Variants in VKORC1L1 observed in about 807,000 individuals in gnomAD.
VKORC1L1 encodes the protein vitamin K epoxide reductase complex subunit 1-like protein 1.
A neutral mutation model predicts 18.9 loss-of-function variants in VKORC1L1; 2 were observed. That is an observed-to-expected ratio of 0.11 (90% CI 0.04 to 0.33). The LOEUF (loss-of-function observed/expected upper bound fraction) is 0.33, where lower values mean the gene tolerates loss of function less well. VKORC1L1 is among the 10% of genes least tolerant of loss of function. The probability of loss-of-function intolerance (pLI) is 1.00; values close to 1 mark genes in which losing one functional copy is unlikely to be tolerated. For synonymous variants in VKORC1L1, 96 were observed against 100.0 expected (o/e 0.96, Z 0.24); for missense variants, 123 against 224.1 (o/e 0.55, Z 2.88).
chr7:65,880,003 C>T (rs1210436434), intron 1 of VKORC1L1, among the ~76,000 whole-genome samples: 2 of 151,924 alleles, frequency 1.3e-5, no homozygotes, highest in Non-Finnish European at 2.9e-5. Context: ...AGTTGCACAC[C>T]CCACCATGCC....
At chr7:65,917,145 GTGTC>G (rs1162365511) in intron 1 of VKORC1L1, among the ~76,000 whole-genome samples, 1 of 151,986 alleles carries the variant, frequency 6.6e-6, no homozygotes, top group Non-Finnish European at 1.5e-5. Context: ...AGACAAAAAA[GTGTC>G]CTGGTTACTT....
chr7:65,941,980 C>T (rs986520345), intron 1 of VKORC1L1, among the ~76,000 whole-genome samples: 15 of 152,068 alleles, frequency 9.9e-5, no homozygotes, highest in Non-Finnish European at 1.8e-4. Context: ...TTTCTTCATC[C>T]GGCTACTGAT....
At chr7:65,919,867 C>T (rs1446467936) in intron 1 of VKORC1L1, among the ~76,000 whole-genome samples, 1 of 152,150 alleles carries the variant, frequency 6.6e-6, no homozygotes, top group Admixed American at 6.5e-5. Flanking sequence ...ACCATCCTGG[C>T]TGACACAGTG....
intron 1 of VKORC1L1, among the ~76,000 whole-genome samples, chr7:65,903,367 A>G (rs1789351370): frequency 6.6e-6 from 1 of 150,818 alleles, no homozygotes; most frequent in Admixed American, 6.6e-5. Flanking sequence ...AGGTTTCACC[A>G]TGTTGGCCAG....
intron 1 of VKORC1L1, among the ~76,000 whole-genome samples, chr7:65,941,745 C>T (rs536000673): frequency 1.6e-4 from 21 of 132,156 alleles, no homozygotes; most frequent in Admixed American, 1.0e-3. Flanking sequence ...GGCGTGATCT[C>T]GGCTCACTAT....
intron 1 of VKORC1L1, among the ~76,000 whole-genome samples, chr7:65,934,430 C>G (rs990272686): frequency 6.6e-6 from 1 of 152,160 alleles, no homozygotes; most frequent in Non-Finnish European, 1.5e-5. Flanking sequence ...AAATGCAGAA[C>G]ACACTATTAT....
rs1179000133 is a variant in VKORC1L1, at chr7:65,954,095, C to T, written c.326C>T (p.Ala109Val). 2 of 1,599,828 alleles carry T rather than the reference C, an allele frequency of 1.3e-6. No homozygotes were observed. The change falls in exon 3 of 3, where the codon GCG (alanine) becomes GTG (valine). Residue 109 changes from alanine (A) to valine (V), a missense_variant. Transcript: ENST00000360768. Reference protein sequence around the residue: ...LLLGMTASAVAALILMTSSIM... With the variant: ...LLLGMTASAVVALILMTSSIM... ...ACAGGCATGACAGCAAGCGCTGTGG[C>T]GGCTTTGATCCTCATGACGTCCTCC...
chr7:65,915,684 G>A (rs1789577546), intron 1 of VKORC1L1, among the ~76,000 whole-genome samples: 1 of 151,602 alleles, frequency 6.6e-6, no homozygotes, highest in Non-Finnish European at 1.5e-5. Context: ...GGGAAATTGG[G>A]AGTTAGATAG....
At chr7:65,897,668 CAT>C (rs1789237721) in intron 1 of VKORC1L1, among the ~76,000 whole-genome samples, 3 of 148,702 alleles carry the variant, frequency 2.0e-5, no homozygotes, top group South Asian at 4.2e-4. Context: ...TGGATGGAGA[CAT>C]GAGGGGATTT....
intron 2 of VKORC1L1, among the ~76,000 whole-genome samples, chr7:65,952,695 A>G (rs1305938114): frequency 1.3e-5 from 2 of 150,980 alleles, no homozygotes; most frequent in African/African-American, 4.9e-5. Context: ...ATAAATGCAC[A>G]TATTCTCTAT....
chr7:65,937,269 T>C (rs989092062), intron 1 of VKORC1L1, among the ~76,000 whole-genome samples: 1 of 152,208 alleles, frequency 6.6e-6, no homozygotes, highest in Non-Finnish European at 1.5e-5. Context: ...CAGCTATTTT[T>C]CCTTTTCAGA....
chr7:65,949,144 T>C (rs534385341), intron 2 of VKORC1L1, among the ~76,000 whole-genome samples: 7 of 152,230 alleles, frequency 4.6e-5, no homozygotes, highest in South Asian at 2.1e-4. Flanking sequence ...ATAATCCCAT[T>C]ACCTTTACAT....
At chr7:65,899,334 T>G (rs561067506) in intron 1 of VKORC1L1, among the ~76,000 whole-genome samples, 281 of 152,352 alleles carry the variant, frequency 1.8e-3, no homozygotes, top group Non-Finnish European at 3.4e-3. Flanking sequence ...AGGAACAAGC[T>G]GCTTCTATGC....
chr7:65,879,776 T>G (rs1788896317), intron 1 of VKORC1L1, among the ~76,000 whole-genome samples: 1 of 151,842 alleles, frequency 6.6e-6, no homozygotes, highest in African/African-American at 2.4e-5. Context: ...TCCTTCTTCC[T>G]TCCTCCTTCG....
chr7:65,871,351 G>T (rs549689739), upstream of VKORC1L1, among the ~76,000 whole-genome samples: 18 of 151,902 alleles, frequency 1.2e-4, no homozygotes, highest in African/African-American at 4.3e-4. Flanking sequence ...ATGTGCCACC[G>T]CATCCGGCTA....
chr7:65,940,335 G>A (rs1268440165), intron 1 of VKORC1L1, among the ~76,000 whole-genome samples: 2 of 152,134 alleles, frequency 1.3e-5, no homozygotes, highest in African/African-American at 2.4e-5. Flanking sequence ...TATTTTTAAT[G>A]TATAATTACA....
chr7:65,933,350 G>C (rs1203821333), intron 1 of VKORC1L1, among the ~76,000 whole-genome samples: 1 of 152,026 alleles, frequency 6.6e-6, no homozygotes, highest in Non-Finnish European at 1.5e-5. Flanking sequence ...TTATCCTTTT[G>C]GTTAATTGAT....
At position 65,948,728 on chromosome 7, in the gene VKORC1L1, C is replaced by T. The variant is rs377657189; in HGVS notation, c.252C>T (p.Asn84=). The change falls in exon 2 of 3, where the codon AAC becomes AAT. Residue 84 remains asparagine, a synonymous_variant. Transcript: ENST00000360768. ...TTTTTGGAAAGGATGGTGTATTAAA[C>T]CAGCCAAACAGTGTCTTTGGACTTA... is the stretch of plus-strand genomic sequence containing the variant. The part of the protein sequence containing the change: ...GSIFGKDGVL[N]QPNSVFGLIF... 34 of 1,358,130 alleles carry T rather than the reference C, an allele frequency of 2.5e-5. No homozygotes were observed. The highest frequency in any genetic ancestry group is 5.2e-5 in the Admixed American group (2 of 38,216). The allele number at this position is 1,358,130 out of a possible 1,614,324, so 84.1% of individuals were successfully genotyped here. A position where few individuals can be genotyped will look rare whatever the true frequency, so the allele number is the denominator to read the frequency against.
In VKORC1L1 at chr7:65,956,322, A is replaced by G. The variant is rs543591695; in HGVS notation, c.*2022A>G. On this transcript the variant is annotated 3_prime_UTR_variant, in exon 3 of 3. Coordinates refer to ENST00000360768, the MANE Select transcript of VKORC1L1 (RefSeq NM_173517.6). ...CCTAATGGTTAAAACTGTGGTATAC[A>G]TGACATCGGTTGTGCTAAACAAGTT... The G allele has an allele frequency of 3.9e-5, 6 of 152,322 alleles. No homozygotes were observed. Among genetic ancestry groups the G allele is most frequent in the African/African-American group, 1.4e-4 (6 of 41,570 alleles). 9.4% of individuals were successfully genotyped at this position (152,322 alleles called of 1,614,324 possible). A position where few individuals can be genotyped will look rare whatever the true frequency, so the allele number is the denominator to read the frequency against.
Sources: gnomAD v4.1 joint callset for allele counts (sites outside exome capture counted in the v4.1 genomes callset) on GRCh38, gnomAD v4.1.1 for gene constraint, MANE v1.5 for transcripts, NCBI Gene and HGNC (gene_info 2026-07-23, HGNC 2026-07-21) for gene names.